SPEF2: variants seen among roughly 807,000 people sequenced by gnomAD.
SPEF2 encodes the protein sperm flagellar and cilia associated 2.
A neutral mutation model predicts 224.6 loss-of-function variants in SPEF2; 187 were observed. That is an observed-to-expected ratio of 0.83 (90% confidence interval 0.74 to 0.94). The LOEUF (loss-of-function observed/expected upper bound fraction) is 0.94, where lower values mean the gene tolerates loss of function less well. Among genes scored for constraint, SPEF2 ranks in the 40% least tolerant of loss-of-function variants. SPEF2 has a pLI of 0.00. For missense variants in SPEF2, 2,170 were observed against 2,135.6 expected (o/e 1.02, Z -0.32); for synonymous variants, 715 against 707.3 (o/e 1.01, Z -0.17).
intron 36 of SPEF2, chr5:35,807,671 G>A: frequency 1.3e-6 from 2 of 1,536,108 alleles, no homozygotes; most frequent in Non-Finnish European, 1.7e-6. Flanking sequence ...AAATGATAGT[G>A]TGTGCAAAAG....
At chr5:35,705,102 T>C (rs1739484596) in intron 17 of SPEF2, among the ~76,000 whole-genome samples, 1 of 152,052 alleles carries the variant, frequency 6.6e-6, no homozygotes, top group South Asian at 2.1e-4. Context: ...TACAATTTTA[T>C]GAAACCCTGA....
intron 10 of SPEF2, among the ~76,000 whole-genome samples, chr5:35,681,378 A>G (rs974727933): frequency 5.3e-5 from 8 of 152,210 alleles, no homozygotes; most frequent in African/African-American, 1.9e-4. Flanking sequence ...CTTTAAAAAT[A>G]TACTTTGACT....
intron 10 of SPEF2, chr5:35,676,042 G>A (rs765132495): frequency 2.2e-6 from 1 of 456,094 alleles, no homozygotes; most frequent in Non-Finnish European, 4.4e-6. Context: ...AAGGTATCAA[G>A]TTCAAGACGT....
intron 26 of SPEF2, among the ~76,000 whole-genome samples, chr5:35,766,996 T>C (rs1430645767): frequency 6.6e-6 from 1 of 151,900 alleles, no homozygotes; most frequent in East Asian, 1.9e-4. Context: ...ACTTGAAATA[T>C]ATTCATTTAA....
intron 8 of SPEF2, among the ~76,000 whole-genome samples, chr5:35,661,669 A>T (rs891581173): frequency 6.6e-6 from 1 of 152,142 alleles, no homozygotes; most frequent in African/African-American, 2.4e-5. Flanking sequence ...AAGTGAGAAC[A>T]TGCAGTATTT....
chr5:35,672,218 T>C (rs1404303267), intron 10 of SPEF2, among the ~76,000 whole-genome samples: 2 of 149,118 alleles, frequency 1.3e-5, no homozygotes, highest in Non-Finnish European at 3.0e-5. Context: ...ATTAATACAT[T>C]TGCTTGAACA....
At chr5:35,697,846 C>A in intron 15 of SPEF2, 53 bp downstream of exon 15, 1 of 1,303,644 alleles carries the variant, frequency 7.7e-7, no homozygotes, top group Non-Finnish European at 1.1e-6. Flanking sequence ...CTTTATCACA[C>A]AAAGATGTAT....
In SPEF2 at chr5:35,807,043, A is replaced by G. The variant is rs562212386; in HGVS notation, c.5257-88A>G. 3.2e-6 allele frequency: 5 copies of G among 1,560,608 alleles called. No homozygotes were observed. The Admixed American group carries it at 6.2e-5, about 19-fold the overall frequency. On this transcript the variant is annotated intron_variant, in intron 35 of 36. Coordinates refer to ENST00000356031, the MANE Select transcript of SPEF2 (RefSeq NM_024867.4). The stretch of plus-strand genomic sequence containing the variant: ...AAAATATATCATAGTATGAAATTAT[A>G]CAGAATCTCTTTAGTAAATACAACC...
intron 31 of SPEF2, 82 bp from the exon 32 acceptor site, chr5:35,793,077 T>C: frequency 7.7e-7 from 1 of 1,291,208 alleles, no homozygotes; most frequent in Non-Finnish European, 1.1e-6. Flanking sequence ...CATGGGAAAC[T>C]CTCACTATGA....
chr5:35,790,376 T>A, intron 30 of SPEF2: 1 of 505,388 alleles, frequency 2.0e-6, no homozygotes, highest in Middle Eastern at 5.0e-4. Flanking sequence ...ATTAGCAATA[T>A]GCAAATGTTG....
chr5:35,730,192 A>G (rs1745408108), intron 21 of SPEF2, among the ~76,000 whole-genome samples: 1 of 152,232 alleles, frequency 6.6e-6, no homozygotes. Flanking sequence ...GGCTGCTTCC[A>G]TATAGCATTC....
chr5:35,768,164 T>C (rs1752334235), intron 26 of SPEF2, among the ~76,000 whole-genome samples: 1 of 152,092 alleles, frequency 6.6e-6, no homozygotes, highest in African/African-American at 2.4e-5. Flanking sequence ...AATATAATAA[T>C]AAGCCCTCAA....
chr5:35,718,140 A>G (rs1160819957), intron 20 of SPEF2, among the ~76,000 whole-genome samples: 2 of 152,162 alleles, frequency 1.3e-5, no homozygotes, highest in Non-Finnish European at 2.9e-5. Flanking sequence ...GCACAGGGAG[A>G]GGTAGGCCAA....
rs1561304440 is a variant in SPEF2, at chr5:35,750,999, A to ATATATATACGTATATATATACACATATG, written c.3331-2617_3331-2616insCGTATATATATACACATATGTATATATA. The stretch of plus-strand genomic sequence containing the variant: ...GAAACTGTGCTATATATATATATGT[A>ATATATATACGTATATATATACACATATG]TATATATATATACGTATATATATAC... On this transcript the variant is annotated intron_variant, in intron 23 of 36. Coordinates refer to ENST00000356031, the MANE Select transcript of SPEF2 (RefSeq NM_024867.4). Among the ~76,000 whole-genome samples the ATATATATACGTATATATATACACATATG allele has an allele frequency of 4.8e-3, 210 of 43,864 alleles. 8 individuals carry two copies. The highest frequency in any genetic ancestry group is 0.013 in the African/African-American group (195 of 15,136). 28.8% of individuals were successfully genotyped at this position (43,864 alleles called of 152,430 possible).
At chr5:35,810,094 G>T (rs1758442235) in intron 36 of SPEF2, among the ~76,000 whole-genome samples, 1 of 152,178 alleles carries the variant, frequency 6.6e-6, no homozygotes, top group Admixed American at 6.5e-5. Flanking sequence ...TTGCAAAGAA[G>T]ATTCTATTTG....
chr5:35,800,588 T>C (rs975830427), intron 34 of SPEF2, among the ~76,000 whole-genome samples: 1 of 152,206 alleles, frequency 6.6e-6, no homozygotes, highest in Non-Finnish European at 1.5e-5. Context: ...GAAACCTGCA[T>C]TTCATATCAC....
chr5:35,641,263 TA>T (rs1746584086), intron 2 of SPEF2, among the ~76,000 whole-genome samples, 167 bp from the exon 3 acceptor site: 1 of 152,134 alleles, frequency 6.6e-6, no homozygotes, highest in South Asian at 2.1e-4. Context: ...ACATGGTCAA[TA>T]AAAAAATCTC....
At chr5:35,722,316 G>A (rs1743838261) in intron 20 of SPEF2, among the ~76,000 whole-genome samples, 1 of 151,930 alleles carries the variant, frequency 6.6e-6, no homozygotes. Flanking sequence ...GGAGCATCGG[G>A]GAGCTGATGC....
At chr5:35,807,507 T>C in intron 36 of SPEF2, 1 of 945,810 alleles carries the variant, frequency 1.1e-6, no homozygotes, top group Non-Finnish European at 1.6e-6. Flanking sequence ...GGATTGTCAT[T>C]GTAGCCATGT....
Sources: gnomAD v4.1 joint callset for allele counts (sites outside exome capture counted in the v4.1 genomes callset) on GRCh38, gnomAD v4.1.1 for gene constraint, MANE v1.5 for transcripts, NCBI Gene and HGNC (gene_info 2026-07-23, HGNC 2026-07-21) for gene names.